Variants in MYO1E observed in about 807,000 individuals in gnomAD.
The protein encoded by MYO1E is myosin IE.
In MYO1E, 68 loss-of-function variants were observed where a neutral mutation model predicts 151.1. The ratio of observed to expected loss-of-function variants is 0.45; its 90% CI spans 0.37 to 0.55. MYO1E has a LOEUF of 0.55. MYO1E is among the 20% of genes least tolerant of loss of function. The probability of loss-of-function intolerance (pLI) is 0.00; values close to 1 mark genes in which losing one functional copy is unlikely to be tolerated. For missense variants in MYO1E, 1,363 were observed against 1,389.3 expected (o/e 0.98, Z 0.30); for synonymous variants, 601 against 501.7 (o/e 1.20, Z -2.64).
chr15:59,203,209 G>A lies in MYO1E; in HGVS notation c.1617-802C>T, dbSNP rs527771721. On this transcript the variant is annotated intron_variant, in intron 15 of 27. Coordinates refer to ENST00000288235, the MANE Select transcript of MYO1E (RefSeq NM_004998.4). ...TTCTTTGTTGGGGGCCGAGGAGGGC[G>A]CCTCTTCTACATATTGTGGGATATT... Among the ~76,000 whole-genome samples, 87 of 152,122 alleles carry A rather than the reference G, an allele frequency of 5.7e-4. 1 individual carries two copies. The highest frequency in any genetic ancestry group is 1.2e-3 in the Non-Finnish European group (80 of 68,026).
chr15:59,210,377 A>G lies in MYO1E; in HGVS notation c.1362+137T>C, dbSNP rs185375004. 8.6e-6 allele frequency: 6 copies of G among 700,446 alleles called. No homozygotes were observed. In the East Asian group the frequency reaches 1.1e-4, roughly 13 times the overall value. 43.4% of individuals were successfully genotyped at this position (700,446 alleles called of 1,614,324 possible). On this transcript the variant is annotated intron_variant, in intron 13 of 27. Transcript: ENST00000288235. ...TACTGTTCTCTTTTCACACATACAG[A>G]AAACTAGTACAATTGCTCAAATTCT...
chr15:59,150,736 T>C (rs2079470538), intron 26 of MYO1E, among the ~76,000 whole-genome samples: 1 of 152,100 alleles, frequency 6.6e-6, no homozygotes, highest in Admixed American at 6.6e-5. Flanking sequence ...AGACTACAGG[T>C]GCCTTCAGAC....
intron 1 of MYO1E, among the ~76,000 whole-genome samples, chr15:59,304,027 G>C (rs112900095): frequency 2.7e-5 from 4 of 147,550 alleles, no homozygotes; most frequent in African/African-American, 1.0e-4. Context: ...TTGTCACCCA[G>C]GCTGGAGTGC....
intron 5 of MYO1E, among the ~76,000 whole-genome samples, chr15:59,235,510 A>G (rs1187771220): frequency 1.3e-5 from 2 of 152,232 alleles, no homozygotes; most frequent in African/African-American, 4.8e-5. Context: ...CGGTACATGA[A>G]GCCTCATTTT....
intron 5 of MYO1E, among the ~76,000 whole-genome samples, chr15:59,233,805 C>A (rs1001131359): frequency 2.0e-5 from 3 of 151,370 alleles, no homozygotes; most frequent in African/African-American, 7.3e-5. Flanking sequence ...TCTATAGCTG[C>A]CCTTACTGTC....
chr15:59,319,550 C>CTT (rs59491381), intron 1 of MYO1E, among the ~76,000 whole-genome samples: 1,611 of 63,322 alleles, frequency 0.025, 224 homozygotes, highest in Non-Finnish European at 0.039. Flanking sequence ...GTCAAACTAC[C>CTT]TTTTTTTTTT....
intron 8 of MYO1E, 140 bp downstream of exon 8, chr15:59,224,549 A>T: frequency 8.9e-7 from 1 of 1,121,910 alleles, no homozygotes. Context: ...TGAAACATGT[A>T]TGAGCATACA....
intron 1 of MYO1E, among the ~76,000 whole-genome samples, chr15:59,362,730 G>C (rs1313436665): frequency 6.6e-6 from 1 of 152,088 alleles, no homozygotes; most frequent in African/African-American, 2.4e-5. Flanking sequence ...AAATTTCTTA[G>C]AATCAGATAA....
At chr15:59,207,285 A>G (rs781456733) in intron 14 of MYO1E, 7 of 1,614,062 alleles carry the variant, frequency 4.3e-6, no homozygotes, top group Non-Finnish European at 5.9e-6. Flanking sequence ...TGGATCTTCA[A>G]CATGGCAGCC....
intron 26 of MYO1E, among the ~76,000 whole-genome samples, chr15:59,151,929 A>G (rs572835736): frequency 6.6e-6 from 1 of 150,888 alleles, no homozygotes; most frequent in South Asian, 2.1e-4. Flanking sequence ...TTAGCCGGGC[A>G]TGGTGGCAGG....
chr15:59,239,269 C>T (rs1470152570), intron 4 of MYO1E, among the ~76,000 whole-genome samples: 1 of 149,520 alleles, frequency 6.7e-6, no homozygotes, highest in African/African-American at 2.4e-5. Context: ...TTTTTTAAAA[C>T]AGCTTTTCCA....
intron 26 of MYO1E, among the ~76,000 whole-genome samples, chr15:59,146,478 A>G (rs1336498213): frequency 6.6e-6 from 1 of 151,556 alleles, no homozygotes; most frequent in African/African-American, 2.4e-5. Context: ...ACCACGCCCG[A>G]CTAATTTTTG....
chr15:59,212,374 T>G (rs1434850717), intron 12 of MYO1E, among the ~76,000 whole-genome samples: 1 of 152,046 alleles, frequency 6.6e-6, no homozygotes, highest in African/African-American at 2.4e-5. Flanking sequence ...GAAGGTCACG[T>G]GAAACCCCCT....
rs947621972 is a variant in MYO1E, at chr15:59,208,714, G to C, written c.1497C>G (p.Asn499Lys). The part of the protein sequence containing the change: ...IGSHEHFNSW[N>K]QGFIIHHYAG... ...CATAATGATGAATGATGAAGCCTTG[G>C]TTCCAACTGTTGAAGTGCTCATGAC... Residue 499 changes from asparagine (N) to lysine (K), a missense_variant, in exon 14 of 28, where the codon AAC (asparagine) becomes AAG (lysine). Transcript: ENST00000288235. 9 of 1,614,232 alleles carry C rather than the reference G, an allele frequency of 5.6e-6. No homozygotes were observed. Among genetic ancestry groups the C allele is most frequent in the Non-Finnish European group, 7.6e-6 (9 of 1,180,044 alleles).
At chr15:59,269,537 T>A (rs1434982867) in intron 2 of MYO1E, among the ~76,000 whole-genome samples, 2 of 152,230 alleles carry the variant, frequency 1.3e-5, no homozygotes, top group African/African-American at 4.8e-5. Context: ...AACCTGCAAC[T>A]GAACATAACT....
intron 9 of MYO1E, among the ~76,000 whole-genome samples, chr15:59,219,349 G>A (rs984120837): frequency 3.3e-5 from 5 of 152,160 alleles, no homozygotes; most frequent in Non-Finnish European, 4.4e-5. Context: ...TGCAAATTTT[G>A]AACTTGGCTG....
chr15:59,144,364 A>G (rs2079428473), intron 26 of MYO1E, among the ~76,000 whole-genome samples: 2 of 151,900 alleles, frequency 1.3e-5, no homozygotes, highest in Non-Finnish European at 2.9e-5. Flanking sequence ...ACGGGGTTTC[A>G]CTATGTTGGC....
At chr15:59,298,344 G>A (rs936610710) in intron 1 of MYO1E, among the ~76,000 whole-genome samples, 7 of 152,184 alleles carry the variant, frequency 4.6e-5, no homozygotes, top group South Asian at 4.1e-4. Context: ...CTCACAGCCC[G>A]CTGAGTTCCA....
intron 1 of MYO1E, among the ~76,000 whole-genome samples, chr15:59,284,574 C>G (rs2080376199): frequency 1.3e-5 from 2 of 151,688 alleles, no homozygotes; most frequent in South Asian, 4.2e-4. Context: ...CTCAGCTTCC[C>G]TAGTAGCCAG....
Sources: gnomAD v4.1 joint callset for allele counts (sites outside exome capture counted in the v4.1 genomes callset) on GRCh38, gnomAD v4.1.1 for gene constraint, MANE v1.5 for transcripts, NCBI Gene and HGNC (gene_info 2026-07-23, HGNC 2026-07-21) for gene names.